Variants in SPAM1 observed in about 807,000 individuals in gnomAD.
SPAM1 encodes hyaluronidase PH-20.
Under a neutral mutation model 29.6 loss-of-function variants are expected in SPAM1, and 22 were observed. The observed-to-expected ratio is 0.74, with a 90% CI of 0.53 to 1.06. The LOEUF (loss-of-function observed/expected upper bound fraction) is 1.06, where lower values mean the gene tolerates loss of function less well. Among genes scored for constraint, SPAM1 ranks in the 50% least tolerant of loss-of-function variants. The pLI is 0.00. For synonymous variants in SPAM1, 194 were observed against 204.6 expected (o/e 0.95, Z 0.44); for missense variants, 534 against 604.0 (o/e 0.88, Z 1.21).
chr7:123,959,573 A>G lies in SPAM1; in HGVS notation c.1134A>G (p.Gln378=), dbSNP rs780888128. 2 of 1,613,214 alleles carry G rather than the reference A, an allele frequency of 1.2e-6. No individual in the cohort carries two copies. The highest frequency in any genetic ancestry group is 1.1e-5 in the South Asian group (1 of 91,060). ...CACTAGCAGCCAAAATGTGTAGCCAAGTGCTTTGCCAGGAGCAAGGAGTGT... is the reference window on the plus strand; with the variant it reads ...CACTAGCAGCCAAAATGTGTAGCCAGGTGCTTTGCCAGGAGCAAGGAGTGT... The part of the protein sequence containing the change: ...NVTLAAKMCS[Q]VLCQEQGVCI... Residue 378 remains glutamine, a synonymous_variant, in exon 5 of 5, where the codon CAA becomes CAG. Coordinates refer to ENST00000682466, the MANE Select transcript of SPAM1 (RefSeq NM_153189.3).
At chr7:123,939,212 A>G (rs1317089798) in intron 1 of SPAM1, among the ~76,000 whole-genome samples, 1 of 151,346 alleles carries the variant, frequency 6.6e-6, no homozygotes, top group Non-Finnish European at 1.5e-5. Context: ...CAGCCTCCCG[A>G]GTACCTGGGA....
At chr7:123,961,713 T>G (rs932156867), downstream of SPAM1, among the ~76,000 whole-genome samples, 40 of 151,962 alleles carry the variant, frequency 2.6e-4, no homozygotes, top group African/African-American at 9.2e-4. Flanking sequence ...TGTGTATTAG[T>G]CCATTTTCAC....
chr7:123,931,030 C>T (rs560225530), intron 1 of SPAM1, among the ~76,000 whole-genome samples: 5 of 152,126 alleles, frequency 3.3e-5, no homozygotes, highest in Admixed American at 2.0e-4. Flanking sequence ...CTCTCAACTG[C>T]GTCTGCCATA....
At chr7:123,965,289 A>G (rs1792408411) in intron 5 of SPAM1, among the ~76,000 whole-genome samples, 1 of 151,994 alleles carries the variant, frequency 6.6e-6, no homozygotes, top group East Asian at 1.9e-4. Flanking sequence ...GCTTCAGAAT[A>G]GCTTCTGACC....
chr7:123,957,577 A>G (rs1331355776), intron 4 of SPAM1, among the ~76,000 whole-genome samples: 5 of 151,988 alleles, frequency 3.3e-5, no homozygotes. Flanking sequence ...CTTTCATAAA[A>G]ATTACAACAG....
chr7:123,952,397 G>C (rs1044535036), intron 2 of SPAM1, among the ~76,000 whole-genome samples: 9 of 152,116 alleles, frequency 5.9e-5, no homozygotes, highest in African/African-American at 2.4e-5. Flanking sequence ...TCATATAGCA[G>C]TGTACTACTA....
chr7:123,943,232 A>G (rs917495754), intron 1 of SPAM1, among the ~76,000 whole-genome samples: 1 of 152,142 alleles, frequency 6.6e-6, no homozygotes, highest in South Asian at 2.1e-4. Context: ...GCTCTCTTTA[A>G]GAATCTTGGA....
chr7:123,936,529 G>A (rs1380958011), intron 1 of SPAM1, among the ~76,000 whole-genome samples: 2 of 152,176 alleles, frequency 1.3e-5, no homozygotes, highest in Non-Finnish European at 2.9e-5. Context: ...AGGGGGAATT[G>A]CAATCTTATA....
At chr7:123,936,587 G>A (rs1057063019) in intron 1 of SPAM1, among the ~76,000 whole-genome samples, 2 of 152,180 alleles carry the variant, frequency 1.3e-5, no homozygotes, top group African/African-American at 4.8e-5. Flanking sequence ...TAAGGAAGTG[G>A]GTCAGAGAGC....
At chr7:123,943,567 G>C (rs1808491624) in intron 1 of SPAM1, among the ~76,000 whole-genome samples, 1 of 151,864 alleles carries the variant, frequency 6.6e-6, no homozygotes, top group Non-Finnish European at 1.5e-5. Context: ...ATTCAAAGAA[G>C]GTTAAACATT....
intron 1 of SPAM1, among the ~76,000 whole-genome samples, chr7:123,945,056 T>C (rs554865017): frequency 1.3e-5 from 2 of 152,230 alleles, no homozygotes; most frequent in Admixed American, 1.3e-4. Flanking sequence ...ATGGTTGTCC[T>C]GAACATCCCT....
intron 2 of SPAM1, among the ~76,000 whole-genome samples, chr7:123,952,476 G>A (rs1414396921): frequency 6.6e-6 from 1 of 152,054 alleles, no homozygotes; most frequent in East Asian, 1.9e-4. Context: ...TCTTCTTGCA[G>A]GTAATTTTTG....
intron 4 of SPAM1, among the ~76,000 whole-genome samples, chr7:123,957,047 G>A (rs949586002): frequency 6.6e-6 from 1 of 151,912 alleles, no homozygotes; most frequent in African/African-American, 2.4e-5. Flanking sequence ...CTGTGGAGTT[G>A]AGAAAGCAAC....
chr7:123,960,628 C>G (rs573373429), downstream of SPAM1, among the ~76,000 whole-genome samples: 2 of 151,956 alleles, frequency 1.3e-5, no homozygotes, highest in East Asian at 3.9e-4. Flanking sequence ...ACCTAAATTC[C>G]TTACCTAGTC....
chr7:123,933,003 A>G (rs1808132745), intron 1 of SPAM1, among the ~76,000 whole-genome samples: 1 of 152,164 alleles, frequency 6.6e-6, no homozygotes, highest in South Asian at 2.1e-4. Context: ...TGACAAAAAC[A>G]TAGATTAACA....
In SPAM1 at chr7:123,953,764, A is replaced by G. The variant is rs1792173392; in HGVS notation, c.194A>G (p.Asp65Gly). Residue 65 changes from aspartate (D) to glycine (G), a missense_variant, in exon 3 of 5, where the codon GAT becomes GGT. Transcript: ENST00000682466. The part of the protein sequence containing the change: ...APSEFCLGKF[D>G]EPLDMSLFSF... The stretch of plus-strand genomic sequence containing the variant: ...AGTGAATTTTGTCTTGGAAAATTTG[A>G]TGAGCCACTAGATATGAGCCTCTTC... 1 of 1,612,810 alleles carries G rather than the reference A, an allele frequency of 6.2e-7. No homozygotes were observed. The highest frequency in any genetic ancestry group is 1.1e-5 in the South Asian group (1 of 90,944).
At chr7:123,949,158 T>A (rs61581559) in intron 1 of SPAM1, among the ~76,000 whole-genome samples, 1 of 152,210 alleles carries the variant, frequency 6.6e-6, no homozygotes, top group East Asian at 1.9e-4. Flanking sequence ...TCCTGGTAGA[T>A]AATGTGTGGA....
At chr7:123,937,596 CA>C (rs5887154) in intron 1 of SPAM1, among the ~76,000 whole-genome samples, 27,739 of 85,234 alleles carry the variant, frequency 0.33, 1,939 homozygotes, top group East Asian at 0.41. Context: ...GACTCCATCT[CA>C]AAAAAAAAAA....
chr7:123,940,273 A>G (rs1808390502), intron 1 of SPAM1, among the ~76,000 whole-genome samples: 1 of 152,050 alleles, frequency 6.6e-6, no homozygotes, highest in South Asian at 2.1e-4. Flanking sequence ...ATTGGGTACC[A>G]ATTGATGAGT....
Sources: gnomAD v4.1 joint callset for allele counts (sites outside exome capture counted in the v4.1 genomes callset) on GRCh38, gnomAD v4.1.1 for gene constraint, MANE v1.5 for transcripts, NCBI Gene and HGNC (gene_info 2026-07-23, HGNC 2026-07-21) for gene names.